PREX1: variants seen among roughly 807,000 people sequenced by gnomAD.
PREX1 encodes phosphatidylinositol-3,4,5-trisphosphate dependent Rac exchange factor 1, also known as phosphatidylinositol 3,4,5-trisphosphate-dependent Rac exchanger 1 protein.
A neutral mutation model predicts 198.3 loss-of-function variants in PREX1; 41 were observed. That is an observed-to-expected ratio of 0.21 (90% confidence interval 0.16 to 0.27). PREX1 has a LOEUF of 0.27. Ranked by LOEUF, PREX1 falls within the 10% of genes least tolerant of loss-of-function variation. PREX1 has a pLI of 1.00. For missense variants in PREX1, 1,620 were observed against 2,200.7 expected, an observed-to-expected ratio of 0.74 and a Z score of 5.28; for synonymous variants, 843 against 887.2, an observed-to-expected ratio of 0.95 and a Z score of 0.89.
chr20:48,670,197 G>A (rs1290697158), intron 14 of PREX1, among the ~76,000 whole-genome samples: 2 of 152,134 alleles, frequency 1.3e-5, no homozygotes, highest in African/African-American at 2.4e-5. Context: ...TAGTTGCCTA[G>A]GGTTGCAGCC....
At chr20:48,703,370 T>C (rs1183257393) in intron 6 of PREX1, among the ~76,000 whole-genome samples, 1 of 152,202 alleles carries the variant, frequency 6.6e-6, no homozygotes, top group Non-Finnish European at 1.5e-5. Context: ...CAGGTGGGCA[T>C]GGATGCTGGC....
At chr20:48,631,102 C>T (rs943821133) in intron 35 of PREX1, among the ~76,000 whole-genome samples, 8 of 152,252 alleles carry the variant, frequency 5.3e-5, no homozygotes, top group African/African-American at 1.9e-4. Context: ...GCACTTCTCA[C>T]CACTTGGCAT....
rs2123046958 is a variant in PREX1 at position 48,691,657 on chromosome 20, C to T, written c.1037-561G>A. On this transcript the variant is annotated intron_variant, in intron 8 of 39. Transcript: ENST00000371941. This position sits in a 1 kb window ranked among gnomAD's most constrained non-coding sequence, Gnocchi z 5.0. ...CCCCTGCTCTGGACAAGCTCAAAAGCACACATACTAGGAGATGCTCACATG... is the reference window on the plus strand; with the variant it reads ...CCCCTGCTCTGGACAAGCTCAAAAGTACACATACTAGGAGATGCTCACATG... Among the ~76,000 whole-genome samples the T allele has an allele frequency of 6.6e-6, 1 of 152,318 alleles. No individual in the cohort carries two copies. Among genetic ancestry groups the T allele is most frequent in the Middle Eastern group, 3.4e-3 (1 of 294 alleles).
At chr20:48,863,667 A>G in the PREX1 span, among the ~76,000 whole-genome samples, 2 of 143,846 alleles carry the variant, frequency 1.4e-5, no homozygotes, top group African/African-American at 5.2e-5. Flanking sequence ...GGCTCACTGC[A>G]GCCTCCGCCT....
chr20:48,682,374 G>A (rs960766062), intron 10 of PREX1, among the ~76,000 whole-genome samples: 11 of 151,940 alleles, frequency 7.2e-5, no homozygotes, highest in African/African-American at 2.7e-4. Context: ...TTCCTTTTTT[G>A]CACTTTTCAC....
chr20:48,793,916 G>A (rs972179161), intron 1 of PREX1, among the ~76,000 whole-genome samples: 7 of 152,186 alleles, frequency 4.6e-5, no homozygotes, highest in Admixed American at 4.6e-4. Flanking sequence ...CCCTTCACAT[G>A]GCTGGCTCAG....
chr20:48,805,541 C>T, intron 1 of PREX1, among the ~76,000 whole-genome samples: 1 of 152,248 alleles, frequency 6.6e-6, no homozygotes, highest in East Asian at 1.9e-4. Context: ...GTTGTGGTGA[C>T]TGGCAGACAA....
intron 1 of PREX1, among the ~76,000 whole-genome samples, chr20:48,754,331 A>G (rs906651602): frequency 2.0e-5 from 3 of 152,174 alleles, no homozygotes; most frequent in Non-Finnish European, 4.4e-5. Flanking sequence ...ACGGCTGGCA[A>G]GTGAAGGAGC....
At chr20:48,649,687 T>A in intron 24 of PREX1, 111 bp from the exon 25 acceptor site, 7 of 1,284,720 alleles carry the variant, frequency 5.4e-6, no homozygotes, top group Non-Finnish European at 7.4e-6. Flanking sequence ...GAGAAAAATG[T>A]CCCTTCTAAA....
At chr20:48,775,206 T>C (rs1325278799) in intron 1 of PREX1, among the ~76,000 whole-genome samples, 2 of 152,008 alleles carry the variant, frequency 1.3e-5, no homozygotes, top group Admixed American at 1.3e-4. Flanking sequence ...ACAAAAGAGA[T>C]GAAGCTCCTG....
rs199508803 is a variant in PREX1 at position 48,771,297 on chromosome 20, T to G, written c.220-23417A>C. On this transcript the variant is annotated intron_variant, in intron 1 of 39. Coordinates refer to ENST00000371941, the MANE Select transcript of PREX1 (RefSeq NM_020820.4). ...GATTTTGAGCGCTCACAGTGGTGTT[T>G]CAATGAGTAACCTGGTACATAAAAG... is the stretch of plus-strand genomic sequence containing the variant. Among the ~76,000 whole-genome samples the G allele has an allele frequency of 1.1e-4, 17 of 151,316 alleles. No individual in the cohort carries two copies. In the East Asian group the frequency reaches 1.4e-3, roughly 12 times the overall value.
rs1279944725 is a variant in PREX1, at chr20:48,642,234, T to G, written c.3709A>C (p.Lys1237Gln). The G allele has an allele frequency of 6.2e-7, 1 of 1,614,158 alleles. No homozygotes were observed. The stretch of plus-strand genomic sequence containing the variant: ...AAAGCCCGGCTCATGACTGGCCCCT[T>G]GAGGAGAGCATTGATGGAGTCCACC... Reference protein sequence around the residue: ...NQVDSINALLKGPVMSRAFEE... With the variant: ...NQVDSINALLQGPVMSRAFEE... The change falls in exon 29 of 40, where the codon AAG becomes CAG. Residue 1237 changes from lysine (K) to glutamine (Q), a missense_variant. This residue lies in a region of PREX1 where 476 missense variants were observed against 603.4 expected (regional missense o/e 0.79). Coordinates refer to ENST00000371941, the MANE Select transcript of PREX1 (RefSeq NM_020820.4).
intron 15 of PREX1, among the ~76,000 whole-genome samples, chr20:48,661,444 A>AAAAAATATAT (rs1555832820): frequency 1.0e-4 from 5 of 49,600 alleles, no homozygotes; most frequent in Non-Finnish European, 1.6e-4. Context: ...AAAAAAAAAA[A>AAAAAATATAT]ATATATATAT....
At chr20:48,658,347 C>T in intron 16 of PREX1, 119 bp from the exon 17 acceptor site, 1 of 998,510 alleles carries the variant, frequency 1.0e-6, no homozygotes, top group African/African-American at 1.6e-5. Context: ...GTGGCCAGAT[C>T]CAGGTGGGCG....
chr20:48,740,636 G>T (rs549866789), intron 3 of PREX1, among the ~76,000 whole-genome samples: 3 of 152,314 alleles, frequency 2.0e-5, no homozygotes, highest in African/African-American at 7.2e-5. Flanking sequence ...CAGAGGTGTG[G>T]CCTTTAAAAC....
chr20:48,796,115 T>C (rs1406146710), intron 1 of PREX1, among the ~76,000 whole-genome samples: 2 of 152,206 alleles, frequency 1.3e-5, no homozygotes, highest in Admixed American at 1.3e-4. Context: ...AATGCATTTG[T>C]ATTTGTCATG....
upstream of PREX1, among the ~76,000 whole-genome samples, chr20:48,828,146 G>T (rs2090520017): frequency 6.7e-6 from 1 of 150,164 alleles, no homozygotes; most frequent in Non-Finnish European, 1.5e-5. Flanking sequence ...GCGCTCGGCC[G>T]CAGAGGCGCT....
Position 48,624,858 on chromosome 20 carries a change from C to G in PREX1, c.*1027G>C, listed in dbSNP as rs1302932504. On this transcript the variant is annotated 3_prime_UTR_variant, in exon 40 of 40. Transcript: ENST00000371941. The stretch of plus-strand genomic sequence containing the variant: ...GGGGCTCCATCCCCTCCAGCTCCAA[C>G]CCTGGCTGGCCACCTCTCAGGCCCT... 6.6e-6 allele frequency: 1 copy of G among 152,290 alleles called. No individual in the cohort carries two copies. Among genetic ancestry groups the G allele is most frequent in the Non-Finnish European group, 1.5e-5 (1 of 68,086 alleles). 9.4% of individuals were successfully genotyped at this position (152,290 alleles called of 1,614,324 possible).
intron 36 of PREX1, among the ~76,000 whole-genome samples, chr20:48,630,307 G>C (rs2089303555): frequency 6.6e-6 from 1 of 152,242 alleles, no homozygotes; most frequent in Non-Finnish European, 1.5e-5. Context: ...GTGGCAACAT[G>C]GTCCCCAACA....
Sources: gnomAD v4.1 joint callset for allele counts (sites outside exome capture counted in the v4.1 genomes callset) on GRCh38, gnomAD v4.1.1 for gene constraint, gnomAD v4.1.1 regional missense constraint, Gnocchi (gnomAD v3.1) non-coding constraint, MANE v1.5 for transcripts, NCBI Gene and HGNC (gene_info 2026-07-23, HGNC 2026-07-21) for gene names.